The following LAPTM4A variants were observed in gnomAD, a reference collection of about 807,000 sequenced individuals.
LAPTM4A encodes the protein lysosomal protein transmembrane 4 alpha.
LAPTM4A carries 19 observed loss-of-function variants against 29.9 expected under a neutral mutation model. The ratio of observed to expected loss-of-function variants is 0.64; its 90% confidence interval spans 0.44 to 0.93. The LOEUF (loss-of-function observed/expected upper bound fraction) is 0.93, where lower values mean the gene tolerates loss of function less well. Ranked by LOEUF, LAPTM4A falls within the 40% of genes least tolerant of loss-of-function variation. The pLI, the probability that LAPTM4A is intolerant of heterozygous loss-of-function variation, is 0.00. For synonymous variants in LAPTM4A, 105 were observed against 102.1 expected (o/e 1.03, Z -0.17); for missense variants, 293 against 288.5 (o/e 1.02, Z -0.11).
chr2:20,033,634 A>G (rs1673622486), intron 6 of LAPTM4A, among the ~76,000 whole-genome samples: 1 of 152,214 alleles, frequency 6.6e-6, no homozygotes, highest in Non-Finnish European at 1.5e-5. Flanking sequence ...GGGTTAAACC[A>G]TGCAATAGGA....
At chr2:20,040,088 C>A (rs1034133585) in intron 2 of LAPTM4A, among the ~76,000 whole-genome samples, 1 of 152,056 alleles carries the variant, frequency 6.6e-6, no homozygotes, top group Non-Finnish European at 1.5e-5. Flanking sequence ...AAGGGTAGAG[C>A]CCTCATGGCC....
At chr2:20,040,703 T>G (rs3731672) in intron 2 of LAPTM4A, among the ~76,000 whole-genome samples, 188 bp downstream of exon 2, 10,713 of 152,174 alleles carry the variant, frequency 0.07, 869 homozygotes, top group African/African-American at 0.2. Flanking sequence ...AGCCTAGGAG[T>G]CTCTACCACA....
chr2:20,047,485 T>TA (rs1673954137), intron 1 of LAPTM4A, among the ~76,000 whole-genome samples: 7 of 139,922 alleles, frequency 5.0e-5, no homozygotes, highest in Non-Finnish European at 1.1e-4. Context: ...GGTCAGGAGA[T>TA]CGAGACCATC....
intron 1 of LAPTM4A, among the ~76,000 whole-genome samples, chr2:20,046,419 T>G (rs1002495698): frequency 7.9e-5 from 12 of 152,152 alleles, no homozygotes; most frequent in African/African-American, 2.7e-4. Flanking sequence ...ACAATATTTT[T>G]TGGAGGAGAC....
chr2:20,034,536 G>A, intron 5 of LAPTM4A, 121 bp from the exon 6 acceptor site: 1 of 718,324 alleles, frequency 1.4e-6, no homozygotes, highest in Non-Finnish European at 2.5e-6. Context: ...GCTGACCTCT[G>A]TGTGGACCCA....
At chr2:20,038,250 C>A (rs1218860019) in intron 2 of LAPTM4A, among the ~76,000 whole-genome samples, 29 of 152,182 alleles carry the variant, frequency 1.9e-4, no homozygotes, top group Non-Finnish European at 1.5e-5. Context: ...TATGTTAACA[C>A]ACACTACTTT....
chr2:20,042,153 C>A (rs1485074023), intron 1 of LAPTM4A, among the ~76,000 whole-genome samples: 1 of 152,164 alleles, frequency 6.6e-6, no homozygotes, highest in Non-Finnish European at 1.5e-5. Flanking sequence ...TTGTTAGAAA[C>A]AAGGTCTCAC....
intron 1 of LAPTM4A, among the ~76,000 whole-genome samples, chr2:20,041,417 A>G (rs1673797291): frequency 6.6e-6 from 1 of 152,252 alleles, no homozygotes; most frequent in South Asian, 2.1e-4. Context: ...AGCATCTCTC[A>G]TCAGGTGACA....
In LAPTM4A at chr2:20,041,009, T is replaced by C. The variant is rs141893598; in HGVS notation, c.114A>G (p.Val38=). The C allele has an allele frequency of 5.6e-6, 9 of 1,613,924 alleles. No homozygotes were observed. Among genetic ancestry groups the C allele is most frequent in the African/African-American group, 1.3e-5 (1 of 75,046 alleles). ...GCAAAATTGCCATCAATAGGTTTAC[T>C]ACCTGGAAAAGATAACATTCTATCA... ...GTIILGTWYM[V]VNLLMAILLT... is the part of the protein sequence containing the mutation. The change falls in exon 2 of 7, where the codon GTA becomes GTG. Residue 38 remains valine (V), a splice_region_variant and synonymous_variant. Transcript: ENST00000175091.
chr2:20,039,079 G>A (rs1673740034), intron 2 of LAPTM4A, among the ~76,000 whole-genome samples: 1 of 152,052 alleles, frequency 6.6e-6, no homozygotes, highest in Admixed American at 6.6e-5. Flanking sequence ...ACCAAGCCCA[G>A]CTAATTTTTG....
intron 1 of LAPTM4A, among the ~76,000 whole-genome samples, chr2:20,045,466 A>C (rs1014038258): frequency 3.8e-5 from 3 of 78,564 alleles, no homozygotes; most frequent in Non-Finnish European, 6.9e-5. Flanking sequence ...CCATCTCTTT[A>C]AAAAAAAAAA....
chr2:20,034,959 C>T lies in LAPTM4A; in HGVS notation c.528+8G>A, dbSNP rs185228413. ...CAGTCACCCCTAAAGATTTAGTCAG[C>T]AACGTACCTTAAAAATGATGAATAA... On this transcript the variant is annotated splice_region_variant and intron_variant, in intron 5 of 6. Coordinates refer to ENST00000175091, the MANE Select transcript of LAPTM4A (RefSeq NM_014713.5). 237 of 1,599,506 alleles carry T rather than the reference C, an allele frequency of 1.5e-4. No homozygotes were observed. Among genetic ancestry groups the T allele is most frequent in the Non-Finnish European group, 1.9e-4 (227 of 1,169,162 alleles).
intron 1 of LAPTM4A, among the ~76,000 whole-genome samples, chr2:20,048,735 A>T (rs919316081): frequency 1.3e-5 from 2 of 152,226 alleles, no homozygotes; most frequent in Non-Finnish European, 2.9e-5. Flanking sequence ...GCAAGAGAGT[A>T]CCTTGACAAG....
In LAPTM4A at chr2:20,051,477, TAGAA is replaced by T; in HGVS notation, c.40_43del (p.Phe14ThrfsTer24). On this transcript the variant is annotated frameshift_variant, in exon 1 of 7. Transcript: ENST00000175091. LOFTEE classifies it high-confidence loss of function. ...GCAACAGCCGCAGCACCGGGTGCTGTAGAACCGGTCACTGCGGTTCCGCTTGAAA... is the reference window on the plus strand; with the variant it reads ...GCAACAGCCGCAGCACCGGGTGCTGTCCGGTCACTGCGGTTCCGCTTGAAA... The T allele has an allele frequency of 6.2e-7, 1 of 1,613,210 alleles. No homozygotes were observed. Among genetic ancestry groups the T allele is most frequent in the Non-Finnish European group, 8.5e-7 (1 of 1,179,612 alleles).
intron 6 of LAPTM4A, 143 bp from the exon 7 acceptor site, chr2:20,033,422 C>T: frequency 2.9e-6 from 2 of 685,438 alleles, no homozygotes; most frequent in Non-Finnish European, 5.2e-6. Context: ...CTAAAATGTT[C>T]CCAAGTAGAT....
intron 4 of LAPTM4A, 39 bp from the exon 5 acceptor site, chr2:20,035,101 C>T (rs758574633): frequency 1.1e-5 from 15 of 1,367,194 alleles, no homozygotes; most frequent in African/African-American, 5.8e-5. Context: ...AGTCAGCCAT[C>T]GCACTAGCAC....
At chr2:20,050,725 G>A (rs539451678) in intron 1 of LAPTM4A, among the ~76,000 whole-genome samples, 1 of 152,172 alleles carries the variant, frequency 6.6e-6, no homozygotes, top group Non-Finnish European at 1.5e-5. Flanking sequence ...GATGGAGAGG[G>A]CTCTCAATAA....
In LAPTM4A at chr2:20,051,493, G is replaced by T; in HGVS notation, c.28C>A (p.Arg10Ser). Residue 10 changes from arginine to serine, a missense_variant, in exon 1 of 7, where the codon CGC becomes AGC. Coordinates refer to ENST00000175091, the MANE Select transcript of LAPTM4A (RefSeq NM_014713.5). ...CGGGTGCTGTAGAACCGGTCACTGC[G>T]GTTCCGCTTGAAACTCATGGACACC... MVSMSFKRN[R>S]SDRFYSTRCC... 1 of 1,610,744 alleles carries T rather than the reference G, an allele frequency of 6.2e-7. No homozygotes were observed. Among genetic ancestry groups the T allele is most frequent in the Non-Finnish European group, 8.5e-7 (1 of 1,178,518 alleles).
chr2:20,033,021 TAACA>T lies in LAPTM4A; in HGVS notation c.*180_*183del. ...AAAAACTATTAAAATGTAAAAGACTTAACAAAAAAACAAAAAGACGTTTAACAGA... is the reference window on the plus strand; with the variant it reads ...AAAAACTATTAAAATGTAAAAGACTTAAAAAACAAAAAGACGTTTAACAGA... On this transcript the variant is annotated 3_prime_UTR_variant, in exon 7 of 7. Coordinates refer to ENST00000175091, the MANE Select transcript of LAPTM4A (RefSeq NM_014713.5). The T allele has an allele frequency of 3.4e-6, 2 of 582,552 alleles. No homozygotes were observed. The highest frequency in any genetic ancestry group is 2.4e-5 in the South Asian group (1 of 41,772). The allele number at this position is 582,552 out of a possible 1,614,324, so 36.1% of individuals were successfully genotyped here.
Sources: gnomAD v4.1 joint callset for allele counts (sites outside exome capture counted in the v4.1 genomes callset) on GRCh38, gnomAD v4.1.1 for gene constraint, MANE v1.5 for transcripts, NCBI Gene and HGNC (gene_info 2026-07-23, HGNC 2026-07-21) for gene names.